Variants in ERBB4 observed in about 807,000 individuals in gnomAD.
ERBB4 encodes receptor tyrosine-protein kinase erbB-4.
In ERBB4, 42 loss-of-function variants were observed where a neutral mutation model predicts 158.0. The observed-to-expected ratio is 0.27, with a 90% CI of 0.21 to 0.34. The LOEUF (loss-of-function observed/expected upper bound fraction) is 0.34, where lower values mean the gene tolerates loss of function less well. Ranked by LOEUF, ERBB4 falls within the 10% of genes least tolerant of loss-of-function variation. ERBB4 has a pLI of 1.00. For missense variants in ERBB4, 1,333 were observed against 1,624.1 expected, an observed-to-expected ratio of 0.82 and a Z score of 3.08; for synonymous variants, 583 against 558.7, an observed-to-expected ratio of 1.04 and a Z score of -0.61.
intron 20 of ERBB4, among the ~76,000 whole-genome samples, chr2:211,506,084 GA>G (rs1414296985): frequency 6.6e-6 from 1 of 151,984 alleles, no homozygotes; most frequent in Non-Finnish European, 1.5e-5. Flanking sequence ...TAAAGGGGTA[GA>G]AAAAGATATA....
rs192345232 is a variant in ERBB4 at position 211,429,451 on chromosome 2, A to C, written c.2644-968T>G. ...TTCAAAATAGGAACTATATAAAAGA[A>C]TGTGAAAGGATCAGCACAAATCTAT... On this transcript the variant is annotated intron_variant, in intron 21 of 27. Transcript: ENST00000342788. Among the ~76,000 whole-genome samples, 218 of 152,360 alleles carry C rather than the reference A, an allele frequency of 1.4e-3. 2 individuals carry two copies. Among genetic ancestry groups the C allele is most frequent in the African/African-American group, 4.8e-3 (198 of 41,590 alleles).
chr2:212,211,797 T>C (rs996968177), intron 1 of ERBB4, among the ~76,000 whole-genome samples: 1 of 151,998 alleles, frequency 6.6e-6, no homozygotes, highest in African/African-American at 2.4e-5. Flanking sequence ...TTCTCACTTA[T>C]GAGTGAGAAC....
At chr2:211,759,952 T>C (rs1397682112) in intron 4 of ERBB4, among the ~76,000 whole-genome samples, 2 of 152,232 alleles carry the variant, frequency 1.3e-5, no homozygotes, top group Non-Finnish European at 2.9e-5. Flanking sequence ...TTTTATTTCT[T>C]TGGTAGATTT....
intron 9 of ERBB4, 73 bp from the exon 10 acceptor site, chr2:211,705,464 T>G: frequency 2.1e-6 from 2 of 969,678 alleles, no homozygotes; most frequent in Non-Finnish European, 3.4e-6. Context: ...AATGTGACAA[T>G]ATTTTATTCA....
At chr2:211,430,761 GTATA>G (rs1288528280) in intron 21 of ERBB4, among the ~76,000 whole-genome samples, 180 bp downstream of exon 21, 1 of 140,996 alleles carries the variant, frequency 7.1e-6, no homozygotes, top group Admixed American at 7.1e-5. Context: ...ATATGTGTGT[GTATA>G]TGATATATAT....
intron 1 of ERBB4, among the ~76,000 whole-genome samples, chr2:212,166,313 A>G (rs1318677819): frequency 6.6e-6 from 1 of 152,122 alleles, no homozygotes; most frequent in South Asian, 2.1e-4. Flanking sequence ...TTAGATGAGA[A>G]TATTTCAAAC....
Position 211,638,284 on chromosome 2 carries a change from A to T in ERBB4, c.1947-7690T>A, listed in dbSNP as rs568236028. ...TTCAGCCTTCCCCAAAACAGTTCAG[A>T]TTTGAAACAAGAGACCTTGAAACAC... is the stretch of plus-strand genomic sequence containing the variant. On this transcript the variant is annotated intron_variant, in intron 16 of 27. Coordinates refer to ENST00000342788, the MANE Select transcript of ERBB4 (RefSeq NM_005235.3). Among the ~76,000 whole-genome samples, 5 of 152,202 alleles carry T rather than the reference A, an allele frequency of 3.3e-5. No individual in the cohort carries two copies. The South Asian group carries it at 8.3e-4, about 25-fold the overall frequency.
intron 2 of ERBB4, among the ~76,000 whole-genome samples, chr2:212,038,000 G>T (rs1575548908): frequency 6.6e-6 from 1 of 152,096 alleles, no homozygotes; most frequent in East Asian, 1.9e-4. Flanking sequence ...AAAAAGTATT[G>T]TTCTTTAATC....
chr2:212,375,589 G>T (rs2090291745), intron 1 of ERBB4, among the ~76,000 whole-genome samples: 1 of 152,026 alleles, frequency 6.6e-6, no homozygotes, highest in Non-Finnish European at 1.5e-5. Context: ...ACAGTTCTTA[G>T]AAGAATGCAG....
chr2:212,411,940 G>T (rs377587611), intron 1 of ERBB4, among the ~76,000 whole-genome samples: 8 of 152,036 alleles, frequency 5.3e-5, no homozygotes, highest in African/African-American at 1.9e-4. Flanking sequence ...GCCCACATCT[G>T]GTCTATGGGA....
intron 20 of ERBB4, among the ~76,000 whole-genome samples, chr2:211,440,959 C>T (rs2063960622): frequency 6.6e-6 from 1 of 152,170 alleles, no homozygotes; most frequent in Admixed American, 6.5e-5. Flanking sequence ...CTGCCCAACG[C>T]ATGTAAAACT....
At chr2:212,329,661 C>A (rs924748525) in intron 1 of ERBB4, among the ~76,000 whole-genome samples, 6 of 152,008 alleles carry the variant, frequency 3.9e-5, no homozygotes, top group Admixed American at 6.6e-5. Context: ...AGTTTAAAAA[C>A]CTCCTTACAT....
rs570186188 is a variant in ERBB4, at chr2:212,303,029, G to A, written c.83-178126C>T. On this transcript the variant is annotated intron_variant, in intron 1 of 27. Coordinates refer to ENST00000342788, the MANE Select transcript of ERBB4 (RefSeq NM_005235.3). ...ATGAGGGAAAAATGGGGAAAGAAGAGGAGTGTAGGGAGAAAGAAAGACCTA... is the reference window on the plus strand; with the variant it reads ...ATGAGGGAAAAATGGGGAAAGAAGAAGAGTGTAGGGAGAAAGAAAGACCTA... Among the ~76,000 whole-genome samples the A allele has an allele frequency of 3.3e-5, 5 of 151,466 alleles. No homozygotes were observed. In the South Asian group the frequency reaches 8.3e-4, roughly 25 times the overall value.
intron 1 of ERBB4, among the ~76,000 whole-genome samples, chr2:212,150,951 T>A (rs2080847130): frequency 6.6e-6 from 1 of 152,162 alleles, no homozygotes; most frequent in African/African-American, 2.4e-5. Context: ...ACAGTAATAC[T>A]GGCCATAACC....
intron 2 of ERBB4, among the ~76,000 whole-genome samples, chr2:211,959,248 A>G (rs1320535005): frequency 6.6e-6 from 1 of 152,080 alleles, no homozygotes; most frequent in Non-Finnish European, 1.5e-5. Context: ...CAAAATAGAC[A>G]TGGTTCTTAA....
intron 25 of ERBB4, among the ~76,000 whole-genome samples, chr2:211,396,540 C>CAAT (rs1333890596): frequency 6.6e-6 from 1 of 151,992 alleles, no homozygotes; most frequent in African/African-American, 2.4e-5. Flanking sequence ...TTCAACATTT[C>CAAT]AATAATAGTA....
intron 1 of ERBB4, among the ~76,000 whole-genome samples, chr2:212,314,056 G>A (rs993742232): frequency 6.6e-6 from 1 of 150,988 alleles, no homozygotes. Context: ...AGGTCTTCTC[G>A]CTAAAATAAA....
At chr2:211,710,418 T>C (rs1267966271) in intron 9 of ERBB4, among the ~76,000 whole-genome samples, 2 of 152,158 alleles carry the variant, frequency 1.3e-5, no homozygotes, top group African/African-American at 4.8e-5. Context: ...TTACTAAATG[T>C]CATATATGCA....
At chr2:211,887,589 T>C (rs969099234) in intron 3 of ERBB4, among the ~76,000 whole-genome samples, 2 of 152,216 alleles carry the variant, frequency 1.3e-5, no homozygotes, top group African/African-American at 4.8e-5. Context: ...TATTACTTTC[T>C]AAACAAATAT....
Sources: allele counts gnomAD v4.1 joint callset (sites outside exome capture counted in the v4.1 genomes callset), GRCh38; gene constraint gnomAD v4.1.1; transcripts MANE v1.5; gene names NCBI Gene and HGNC (gene_info 2026-07-23, HGNC 2026-07-21).